The following FAT3 variants were observed in gnomAD, a reference collection of about 807,000 sequenced individuals.
FAT3 encodes FAT atypical cadherin 3.
Under a neutral mutation model 310.2 loss-of-function variants are expected in FAT3, and 95 were observed. The ratio of observed to expected loss-of-function variants is 0.31; its 90% confidence interval spans 0.26 to 0.36. FAT3 has a LOEUF of 0.36. FAT3 is among the 10% of genes least tolerant of loss of function. FAT3 has a pLI of 1.00. For missense variants in FAT3, 5,408 were observed against 5,715.6 expected (o/e 0.95, Z 1.74); for synonymous variants, 2,314 against 2,192.9 (o/e 1.06, Z -1.54).
Position 92,258,416 on chromosome 11 carries a change from G to A in FAT3, c.-18+33242G>A, listed in dbSNP as rs574895202. Among the ~76,000 whole-genome samples the A allele has an allele frequency of 2.8e-4, 43 of 152,250 alleles. 1 individual carries two copies. The highest frequency in any genetic ancestry group is 2.2e-3 in the Admixed American group (33 of 15,278). On this transcript the variant is annotated intron_variant, in intron 1 of 27. Coordinates refer to ENST00000525166, the MANE Select transcript of FAT3 (RefSeq NM_001367949.2). ...AACAAGGGGTCTGCCTTGAGGGATCGTGGGAGAGGGCATTTGCACTAGCTG... is the reference window on the plus strand; with the variant it reads ...AACAAGGGGTCTGCCTTGAGGGATCATGGGAGAGGGCATTTGCACTAGCTG...
At chr11:92,594,876 G>A (rs972841356) in intron 3 of FAT3, among the ~76,000 whole-genome samples, 1 of 152,048 alleles carries the variant, frequency 6.6e-6, no homozygotes, top group Non-Finnish European at 1.5e-5. Flanking sequence ...ATGGGCATGA[G>A]GTAGATTGCT....
chr11:92,572,381 G>A (rs1232026206), intron 3 of FAT3, among the ~76,000 whole-genome samples: 1 of 152,126 alleles, frequency 6.6e-6, no homozygotes, highest in Non-Finnish European at 1.5e-5. Context: ...CTGAACATGT[G>A]ATGATGAAAA....
chr11:92,279,523 GCACA>G (rs765378196), intron 1 of FAT3, among the ~76,000 whole-genome samples: 1 of 151,984 alleles, frequency 6.6e-6, no homozygotes, highest in Non-Finnish European at 1.5e-5. Context: ...GAGTGCATGT[GCACA>G]CACACACCCA....
intron 3 of FAT3, among the ~76,000 whole-genome samples, chr11:92,684,272 A>T (rs989086170): frequency 6.6e-6 from 1 of 152,194 alleles, no homozygotes; most frequent in Non-Finnish European, 1.5e-5. Context: ...AATGGCTGAA[A>T]ATGTAGAAGA....
At chr11:92,694,451 C>T (rs1943880609) in intron 3 of FAT3, among the ~76,000 whole-genome samples, 1 of 152,220 alleles carries the variant, frequency 6.6e-6, no homozygotes, top group Non-Finnish European at 1.5e-5. Flanking sequence ...CTGTCTCTCT[C>T]TGTTGGCTGA....
chr11:92,748,547 A>C (rs551134082), intron 4 of FAT3, among the ~76,000 whole-genome samples: 1 of 152,018 alleles, frequency 6.6e-6, no homozygotes, highest in East Asian at 1.9e-4. Flanking sequence ...TTTCTGATGA[A>C]AACTTTCCCT....
chr11:92,806,316 C>G, intron 11 of FAT3, 46 bp from the exon 12 acceptor site: 1 of 1,513,320 alleles, frequency 6.6e-7, no homozygotes, highest in East Asian at 2.3e-5. Flanking sequence ...GGCAATTGCC[C>G]CCACAAATAC....
intron 1 of FAT3, among the ~76,000 whole-genome samples, chr11:92,338,364 A>T (rs1376177347): frequency 6.6e-6 from 1 of 152,232 alleles, no homozygotes; most frequent in Non-Finnish European, 1.5e-5. Flanking sequence ...CAAAGCAATG[A>T]TCCTATTTCC....
intron 3 of FAT3, among the ~76,000 whole-genome samples, chr11:92,632,346 T>A (rs1565473130): frequency 6.6e-6 from 1 of 152,232 alleles, no homozygotes; most frequent in African/African-American, 2.4e-5. Flanking sequence ...AGCAGTCATT[T>A]AAATTTCACA....
chr11:92,649,341 A>T (rs192239818), intron 3 of FAT3, among the ~76,000 whole-genome samples: 27 of 152,292 alleles, frequency 1.8e-4, no homozygotes, highest in Admixed American at 1.4e-3. Flanking sequence ...GGGTTTTATG[A>T]TTTAAAGAAT....
intron 21 of FAT3, among the ~76,000 whole-genome samples, chr11:92,865,282 G>A (rs1949214007): frequency 6.6e-6 from 1 of 152,230 alleles, no homozygotes; most frequent in Non-Finnish European, 1.5e-5. Flanking sequence ...GTGTGAGAAT[G>A]AGAGATGCTC....
intron 5 of FAT3, 63 bp downstream of exon 5, chr11:92,762,233 G>T: frequency 6.8e-7 from 1 of 1,465,234 alleles, no homozygotes; most frequent in Non-Finnish European, 9.3e-7. Context: ...TCTTATTCAA[G>T]TATACTCCTT....
intron 1 of FAT3, among the ~76,000 whole-genome samples, chr11:92,234,504 C>T (rs766404279): frequency 2.2e-4 from 33 of 152,122 alleles, no homozygotes; most frequent in African/African-American, 5.5e-4. Flanking sequence ...TGGTGGCTCA[C>T]GCCTGTAATC....
At chr11:92,584,524 A>G (rs775874635) in intron 3 of FAT3, among the ~76,000 whole-genome samples, 3 of 151,874 alleles carry the variant, frequency 2.0e-5, no homozygotes, top group Non-Finnish European at 4.4e-5. Context: ...TAACTCATTC[A>G]TACAACCAAA....
chr11:92,766,354 A>G (rs1946309758), intron 6 of FAT3, among the ~76,000 whole-genome samples: 1 of 152,122 alleles, frequency 6.6e-6, no homozygotes, highest in South Asian at 2.1e-4. Context: ...GATCCAGGAG[A>G]GAGTCGGTCT....
intron 4 of FAT3, among the ~76,000 whole-genome samples, chr11:92,749,515 C>T (rs1945770952): frequency 1.3e-5 from 2 of 152,190 alleles, no homozygotes; most frequent in South Asian, 2.1e-4. Context: ...TACCTAAGCT[C>T]TCATTTACTC....
intron 3 of FAT3, among the ~76,000 whole-genome samples, chr11:92,683,328 C>T (rs1226393528): frequency 9.2e-5 from 14 of 152,282 alleles, no homozygotes; most frequent in South Asian, 6.2e-4. Context: ...CTTCCATTTC[C>T]AACAATATGT....
chr11:92,644,027 T>C (rs2135736171), intron 3 of FAT3, among the ~76,000 whole-genome samples: 1 of 152,374 alleles, frequency 6.6e-6, no homozygotes, highest in Non-Finnish European at 1.5e-5. Context: ...GAGAATAAAG[T>C]GCTGACCTTG....
intron 17 of FAT3, among the ~76,000 whole-genome samples, chr11:92,840,001 A>G (rs1431607548): frequency 6.6e-6 from 1 of 152,230 alleles, no homozygotes; most frequent in East Asian, 1.9e-4. Context: ...CTAAAGGAAC[A>G]TGGCAAAACC....
Sources: gnomAD v4.1 joint callset for allele counts (sites outside exome capture counted in the v4.1 genomes callset) on GRCh38, gnomAD v4.1.1 for gene constraint, MANE v1.5 for transcripts, NCBI Gene and HGNC (gene_info 2026-07-23, HGNC 2026-07-21) for gene names.